Variants in HRH1 observed in about 807,000 individuals in gnomAD.
The protein encoded by HRH1 is histamine receptor H1.
HRH1 carries 6 observed loss-of-function variants against 10.3 expected under a neutral mutation model. The observed-to-expected ratio is 0.58, with a 90% CI of 0.32 to 1.15. The LOEUF is 1.15. Among genes scored for constraint, HRH1 ranks in the 50% most tolerant of loss-of-function variants. The pLI is 0.05. For missense variants in HRH1, 514 were observed against 615.3 expected, an observed-to-expected ratio of 0.84 and a Z score of 1.74; for synonymous variants, 242 against 236.7, an observed-to-expected ratio of 1.02 and a Z score of -0.21.
At chr3:11,179,291 AAAAT>A (rs1265262346) in intron 1 of HRH1, among the ~76,000 whole-genome samples, 1 of 149,134 alleles carries the variant, frequency 6.7e-6, no homozygotes, top group African/African-American at 2.6e-5. Context: ...TCATCTTAAA[AAAAT>A]AAATAAATAA....
At chr3:11,181,271 G>A (rs988626569) in intron 1 of HRH1, among the ~76,000 whole-genome samples, 19 of 152,192 alleles carry the variant, frequency 1.2e-4, no homozygotes, top group South Asian at 1.0e-3. Flanking sequence ...GTGACAGAGC[G>A]AGACCCTGTC....
chr3:11,243,550 A>C lies in HRH1; in HGVS notation c.-35-15453A>C, dbSNP rs542458986. On this transcript the variant is annotated intron_variant, in intron 1 of 1. Coordinates refer to ENST00000431010, the MANE Select transcript of HRH1 (RefSeq NM_001098212.2). ...GGCAAAAGAATGTTCCAGGCAGGGA[A>C]ATGGCATCAACGTGTAAAGAAGCTT... Among the ~76,000 whole-genome samples the C allele has an allele frequency of 1.3e-3, 203 of 152,348 alleles. 3 individuals carry two copies. Among genetic ancestry groups the C allele is most frequent in the Admixed American group, 9.1e-4 (14 of 15,306 alleles).
At chr3:11,227,310 G>A (rs1404057451) in intron 1 of HRH1, among the ~76,000 whole-genome samples, 5 of 150,120 alleles carry the variant, frequency 3.3e-5, no homozygotes, top group African/African-American at 1.2e-4. Flanking sequence ...TTCCTCAGGC[G>A]GAGTCTCGCT....
intron 1 of HRH1, among the ~76,000 whole-genome samples, chr3:11,245,885 C>G (rs1216301401): frequency 6.6e-6 from 1 of 152,056 alleles, no homozygotes; most frequent in African/African-American, 2.4e-5. Flanking sequence ...GAACTGTTTA[C>G]TCAAGGTGCA....
intron 1 of HRH1, chr3:11,234,234 C>T (rs1939115042): frequency 2.7e-6 from 4 of 1,477,108 alleles, no homozygotes; most frequent in Non-Finnish European, 2.8e-6. Context: ...GACTGGAGCC[C>T]AGTGCCTTGT....
At chr3:11,164,793 G>A (rs937485031) in intron 1 of HRH1, among the ~76,000 whole-genome samples, 2 of 152,120 alleles carry the variant, frequency 1.3e-5, no homozygotes, top group Non-Finnish European at 2.9e-5. Context: ...TTCACTCCTC[G>A]GTCAGATGCA....
intron 1 of HRH1, among the ~76,000 whole-genome samples, chr3:11,167,555 C>A (rs895460420): frequency 2.6e-5 from 4 of 151,896 alleles, no homozygotes; most frequent in Admixed American, 1.3e-4. Flanking sequence ...TGTCCCCTGG[C>A]TTCTCCAGGC....
intron 1 of HRH1, among the ~76,000 whole-genome samples, chr3:11,248,658 C>A (rs1393650613): frequency 2.0e-5 from 3 of 152,164 alleles, no homozygotes; most frequent in Non-Finnish European, 4.4e-5. Context: ...TTCACTGCAC[C>A]CTGTTAGGTC....
intron 1 of HRH1, among the ~76,000 whole-genome samples, chr3:11,249,068 A>G (rs1371286822): frequency 6.6e-6 from 1 of 152,108 alleles, no homozygotes. Context: ...CTTTAGTTTT[A>G]TCATTGGGTA....
At chr3:11,169,276 G>A (rs1937108365) in intron 1 of HRH1, among the ~76,000 whole-genome samples, 2 of 152,138 alleles carry the variant, frequency 1.3e-5, no homozygotes, top group Admixed American at 6.5e-5. Context: ...CCCATATGTG[G>A]GTGTTTAACA....
At chr3:11,235,578 A>G (rs1426999109) in intron 1 of HRH1, among the ~76,000 whole-genome samples, 1 of 152,108 alleles carries the variant, frequency 6.6e-6, no homozygotes. Context: ...ACTGCTCCCC[A>G]TGCACCCCTA....
chr3:11,252,014 G>C (rs949858270), intron 1 of HRH1, among the ~76,000 whole-genome samples: 1 of 152,206 alleles, frequency 6.6e-6, no homozygotes, highest in African/African-American at 2.4e-5. Context: ...TTACATTGAC[G>C]AAAAGATGGA....
At chr3:11,156,804 G>A (rs1936813136) in intron 1 of HRH1, among the ~76,000 whole-genome samples, 1 of 152,220 alleles carries the variant, frequency 6.6e-6, no homozygotes, top group South Asian at 2.1e-4. Context: ...AACAATCCCA[G>A]CTCTGTATCC....
At chr3:11,143,486 T>A (rs1236636003) in intron 1 of HRH1, among the ~76,000 whole-genome samples, 5 of 152,226 alleles carry the variant, frequency 3.3e-5, no homozygotes, top group African/African-American at 7.2e-5. Flanking sequence ...AACATGGAGC[T>A]CTGACCCTGG....
intron 1 of HRH1, among the ~76,000 whole-genome samples, chr3:11,238,948 TGGTG>T (rs567876800): frequency 2.1e-4 from 31 of 150,722 alleles, no homozygotes; most frequent in African/African-American, 7.0e-4. Flanking sequence ...TTCCACTTTT[TGGTG>T]GTTATGAATA....
rs78677070 is a variant in HRH1 at position 11,183,056 on chromosome 3, C to T, written c.-36+28502C>T. 6.4e-3 allele frequency among the ~76,000 whole-genome samples: 981 copies of T among 152,314 alleles called. 43 individuals are homozygous for T. Among genetic ancestry groups the T allele is most frequent in the Non-Finnish European group, 9.6e-4 (65 of 68,032 alleles). On this transcript the variant is annotated intron_variant, in intron 1 of 1. Coordinates refer to ENST00000431010, the MANE Select transcript of HRH1 (RefSeq NM_001098212.2). ...AGGAAAATGGAAGATGCACTCCTCC[C>T]GCCCCCTGGCCATCTCTGATGCTTT...
chr3:11,260,507 G>A lies in HRH1; in HGVS notation c.*6G>A, dbSNP rs546954000. 6.4e-7 allele frequency: 1 copy of A among 1,566,288 alleles called. No homozygotes were observed. Among genetic ancestry groups the A allele is most frequent in the African/African-American group, 1.4e-5 (1 of 73,432 alleles). ...TTCTGCATATTCGCTCCTAAGGGAG[G>A]CTCTGAGGGGATGCAACAAAATGAT... On this transcript the variant is annotated 3_prime_UTR_variant, in exon 2 of 2. Transcript: ENST00000431010.
intron 1 of HRH1, among the ~76,000 whole-genome samples, chr3:11,178,288 G>A (rs549705991): frequency 6.6e-6 from 1 of 152,304 alleles, no homozygotes; most frequent in African/African-American, 2.4e-5. Context: ...CACACATTGG[G>A]AATTTCTGCC....
chr3:11,230,277 A>G (rs1939005322), intron 1 of HRH1, among the ~76,000 whole-genome samples: 1 of 152,204 alleles, frequency 6.6e-6, no homozygotes, highest in African/African-American at 2.4e-5. Flanking sequence ...TTTAAATTCC[A>G]TTACTGGCCT....
Sources: gnomAD v4.1 joint callset for allele counts (sites outside exome capture counted in the v4.1 genomes callset) on GRCh38, gnomAD v4.1.1 for gene constraint, MANE v1.5 for transcripts, NCBI Gene and HGNC (gene_info 2026-07-23, HGNC 2026-07-21) for gene names.